Variants in TMEM217 observed in about 807,000 individuals in gnomAD.
TMEM217 encodes chromosome 6 open reading frame 128.
For synonymous variants in TMEM217, 76 were observed against 88.3 expected, an observed-to-expected ratio of 0.86 and a Z score of 0.78; for missense variants, 204 against 248.8, an observed-to-expected ratio of 0.82 and a Z score of 1.21.
intron 1 of TMEM217, among the ~76,000 whole-genome samples, chr6:37,222,764 C>T (rs1184076673): frequency 6.6e-6 from 1 of 152,210 alleles, no homozygotes; most frequent in Non-Finnish European, 1.5e-5. Context: ...GGGTCTACGG[C>T]TTTGGTTTGG....
chr6:37,215,351 C>G (rs192557427), downstream of TMEM217: 1 of 1,535,774 alleles, frequency 6.5e-7, no homozygotes, highest in Non-Finnish European at 8.8e-7. Flanking sequence ...TTGAGGCAGG[C>G]GGATCACGAG....
At chr6:37,212,538 T>G (rs894209309) in exon 4 of TMEM217, 1 of 458,802 alleles carries the variant, frequency 2.2e-6, no homozygotes, top group Non-Finnish European at 4.4e-6. Context: ...AAAGGTTGTA[T>G]GCATGCTTGA....
chr6:37,230,778 CA>C (rs1764158489), intron 1 of TMEM217, among the ~76,000 whole-genome samples: 1 of 152,122 alleles, frequency 6.6e-6, no homozygotes. Flanking sequence ...TTCTGCTTAA[CA>C]CAGTTAAGCA....
intron 1 of TMEM217, among the ~76,000 whole-genome samples, chr6:37,252,528 A>G (rs1765458543): frequency 6.6e-6 from 1 of 151,420 alleles, no homozygotes; most frequent in African/African-American, 2.4e-5. Flanking sequence ...ACATGCATAT[A>G]TATGTCAACA....
At chr6:37,239,901 A>AAG (rs2113882773) in intron 1 of TMEM217, among the ~76,000 whole-genome samples, 1 of 151,998 alleles carries the variant, frequency 6.6e-6, no homozygotes, top group African/African-American at 2.4e-5. Context: ...TAAAAAAAAA[A>AAG]AAAAAGAAGA....
intron 1 of TMEM217, among the ~76,000 whole-genome samples, chr6:37,222,170 A>G (rs1225723050): frequency 1.3e-5 from 2 of 152,216 alleles, no homozygotes; most frequent in Non-Finnish European, 2.9e-5. Context: ...ATCGGGGGCC[A>G]TGGGCAGGCT....
chr6:37,230,562 G>C (rs1449430660), intron 1 of TMEM217, among the ~76,000 whole-genome samples: 1 of 152,132 alleles, frequency 6.6e-6, no homozygotes, highest in African/African-American at 2.4e-5. Context: ...CAGACACACA[G>C]AGAGGGATGA....
intron 1 of TMEM217, among the ~76,000 whole-genome samples, chr6:37,230,134 T>A (rs1346930856): frequency 6.6e-6 from 1 of 152,228 alleles, no homozygotes; most frequent in Non-Finnish European, 1.5e-5. Flanking sequence ...CCAGCAGTGG[T>A]ACATCAAGTC....
Position 37,222,331 on chromosome 6 carries a change from C to A in TMEM217, c.-11-3290G>T, listed in dbSNP as rs1014469313. On this transcript the variant is annotated intron_variant, in intron 1 of 1. Coordinates refer to ENST00000357219, the Ensembl canonical transcript of TMEM217. ...GCTGCCATCCATGGCCCCCCCAGGG[C>A]TCGACCCCAACCCGGCTCCGAGATT... Among the ~76,000 whole-genome samples the A allele has an allele frequency of 4.6e-5, 7 of 152,342 alleles. No individual in the cohort carries two copies. The East Asian group carries it at 1.4e-3, about 29-fold the overall frequency.
At chr6:37,218,397 G>T in exon 2 of TMEM217, 1 of 1,523,924 alleles carries the variant, frequency 6.6e-7, no homozygotes, top group African/African-American at 1.4e-5. Context: ...GGCTGGTCTT[G>T]AACTCCTGAC....
At chr6:37,231,760 A>G (rs1764218851) in intron 1 of TMEM217, among the ~76,000 whole-genome samples, 1 of 147,332 alleles carries the variant, frequency 6.8e-6, no homozygotes, top group Non-Finnish European at 1.5e-5. Context: ...ATGTTATTAT[A>G]TATAATATAT....
intron 1 of TMEM217, among the ~76,000 whole-genome samples, chr6:37,226,602 AG>A (rs1274752415): frequency 6.6e-6 from 1 of 150,822 alleles, no homozygotes; most frequent in Non-Finnish European, 1.5e-5. Context: ...CGGCCGAGAC[AG>A]AGTCTTGCTC....
chr6:37,245,925 G>T (rs1281583844), intron 1 of TMEM217, among the ~76,000 whole-genome samples: 1 of 151,824 alleles, frequency 6.6e-6, no homozygotes, highest in Non-Finnish European at 1.5e-5. Flanking sequence ...TCAGCCTCCC[G>T]AGTAGCTGTA....
exon 1 of TMEM217, chr6:37,257,805 G>C (rs1395868956): frequency 9.3e-6 from 11 of 1,180,018 alleles, no homozygotes; most frequent in Non-Finnish European, 8.4e-6. Flanking sequence ...AGCTGGGAGC[G>C]GGTGACCGGC....
chr6:37,236,698 A>C lies in TMEM217; in HGVS notation c.-11-17657T>G, dbSNP rs150203368. 2.8e-4 allele frequency among the ~76,000 whole-genome samples: 42 copies of C among 152,170 alleles called. No individual in the cohort carries two copies. In the East Asian group the frequency reaches 7.5e-3, roughly 27 times the overall value. ...TACTAATTTTATTAATTTCTATAAC[A>C]AATTACCCCAAAACTTAGTAGCATA... On this transcript the variant is annotated intron_variant, in intron 1 of 1. Coordinates refer to ENST00000357219, the Ensembl canonical transcript of TMEM217.
In TMEM217 at chr6:37,218,418, C is replaced by T; in HGVS notation, c.*4G>A. ...TCTTGAACTCCTGACCTCAGGCGAT[C>T]CACCTACCTCTGCCTCTCAAAGTAC... is the stretch of plus-strand genomic sequence containing the variant. On this transcript the variant is annotated 3_prime_UTR_variant, in exon 2 of 2. Coordinates refer to ENST00000357219, the Ensembl canonical transcript of TMEM217. The T allele has an allele frequency of 6.3e-7, 1 of 1,582,932 alleles. No homozygotes were observed. The highest frequency in any genetic ancestry group is 8.6e-7 in the Non-Finnish European group (1 of 1,160,346).
At chr6:37,228,636 G>A (rs979796214) in intron 1 of TMEM217, among the ~76,000 whole-genome samples, 33 of 152,062 alleles carry the variant, frequency 2.2e-4, no homozygotes, top group African/African-American at 7.0e-4. Flanking sequence ...CCTGGGAGGC[G>A]GAGGTTGCAG....
At chr6:37,243,309 G>A (rs1237803513) in intron 1 of TMEM217, among the ~76,000 whole-genome samples, 1 of 152,158 alleles carries the variant, frequency 6.6e-6, no homozygotes, top group Non-Finnish European at 1.5e-5. Flanking sequence ...CCAGCTTTCT[G>A]TGCAGCTGAG....
rs140037034 is a variant in TMEM217 at position 37,223,786 on chromosome 6, G to A, written c.-11-4745C>T. ...GCCTCCCAAAGTGCTGGGATTACAG[G>A]CGTGAGCCACTGCACCTAGCCCATT... On this transcript the variant is annotated intron_variant, in intron 1 of 1. Transcript: ENST00000357219. Among the ~76,000 whole-genome samples the A allele has an allele frequency of 2.0e-3, 301 of 152,196 alleles. 3 individuals carry two copies. The highest frequency in any genetic ancestry group is 6.8e-3 in the African/African-American group (283 of 41,528).
Sources: allele counts gnomAD v4.1 joint callset (sites outside exome capture counted in the v4.1 genomes callset), GRCh38; gene constraint gnomAD v4.1.1; transcripts MANE v1.5; gene names NCBI Gene and HGNC (gene_info 2026-07-23, HGNC 2026-07-21).